ARHGEF7: variants seen among roughly 807,000 people sequenced by gnomAD.
ARHGEF7 encodes the protein Rho guanine nucleotide exchange factor 7.
A neutral mutation model predicts 109.8 loss-of-function variants in ARHGEF7; 33 were observed. The observed-to-expected ratio is 0.30, with a 90% CI of 0.23 to 0.40. The LOEUF (loss-of-function observed/expected upper bound fraction) is 0.40. ARHGEF7 is among the 10% of genes least tolerant of loss of function. The pLI is 1.00. For missense variants in ARHGEF7, 938 were observed against 1,098.5 expected, an observed-to-expected ratio of 0.85 and a Z score of 2.07; for synonymous variants, 458 against 424.6, an observed-to-expected ratio of 1.08 and a Z score of -0.97.
intron 1 of ARHGEF7, chr13:111,143,706 A>G (rs1006439784): frequency 1.3e-5 from 2 of 152,236 alleles, no homozygotes; most frequent in African/African-American, 2.4e-5. Context: ...TCAAGGGCAC[A>G]TGGAATGGTG....
intron 4 of ARHGEF7, among the ~76,000 whole-genome samples, chr13:111,211,761 T>C (rs147399683): frequency 2.0e-5 from 3 of 152,352 alleles, no homozygotes; most frequent in Non-Finnish European, 4.4e-5. Flanking sequence ...TAAGAACTTA[T>C]CTTGAAACAA....
chr13:111,149,902 A>G (rs1212700544), intron 1 of ARHGEF7, among the ~76,000 whole-genome samples: 1 of 152,262 alleles, frequency 6.6e-6, no homozygotes, highest in African/African-American at 2.4e-5. Context: ...CACATTAACT[A>G]AAGTCTTACT....
intron 2 of ARHGEF7, among the ~76,000 whole-genome samples, chr13:111,185,961 CG>C (rs2079202513): frequency 7.4e-6 from 1 of 135,778 alleles, no homozygotes; most frequent in Non-Finnish European, 1.6e-5. Context: ...TTTGGGAGCT[CG>C]TGTGTGTGTG....
At chr13:111,176,286 T>G (rs955054344) in intron 2 of ARHGEF7, among the ~76,000 whole-genome samples, 9 of 152,220 alleles carry the variant, frequency 5.9e-5, no homozygotes, top group Non-Finnish European at 1.3e-4. Flanking sequence ...ATTGCTGCTA[T>G]GTGGAGAATG....
At chr13:111,175,122 G>C (rs1458245983) in intron 2 of ARHGEF7, among the ~76,000 whole-genome samples, 1 of 152,190 alleles carries the variant, frequency 6.6e-6, no homozygotes, top group Non-Finnish European at 1.5e-5. Context: ...TTGAATATTT[G>C]TTTGTGGTAA....
chr13:111,231,023 C>T (rs746453385), intron 5 of ARHGEF7, among the ~76,000 whole-genome samples: 5 of 152,146 alleles, frequency 3.3e-5, no homozygotes, highest in African/African-American at 4.8e-5. Flanking sequence ...AATAACACAG[C>T]TGGCAAAATC....
intron 8 of ARHGEF7, among the ~76,000 whole-genome samples, chr13:111,252,287 A>G (rs1409972188): frequency 1.3e-5 from 2 of 152,230 alleles, no homozygotes; most frequent in Non-Finnish European, 2.9e-5. Flanking sequence ...ATGGGAGAAC[A>G]CATGCATAAT....
rs1430853293 is a variant in ARHGEF7 at position 111,239,655 on chromosome 13, A to G, written c.760-4217A>G. 1.3e-5 allele frequency among the ~76,000 whole-genome samples: 2 copies of G among 151,928 alleles called. No homozygotes were observed. Among genetic ancestry groups the G allele is most frequent in the Non-Finnish European group, 2.9e-5 (2 of 67,980 alleles). ...CCGTAGGTGGAGATGGTTAATGATG[A>G]GGGGCCCTGAGGTATCAGGGAGGGT... On this transcript the variant is annotated intron_variant, in intron 6 of 21. Coordinates refer to ENST00000646102, the MANE Select transcript of ARHGEF7 (RefSeq NM_001354046.2). This position sits in a 1 kb window ranked among gnomAD's most constrained non-coding sequence, Gnocchi z 4.3.
chr13:111,120,769 A>G (rs1282822827), intron 1 of ARHGEF7, among the ~76,000 whole-genome samples: 1 of 152,214 alleles, frequency 6.6e-6, no homozygotes, highest in African/African-American at 2.4e-5. Context: ...CCAGCATGGC[A>G]GGCAGCATGC....
intron 6 of ARHGEF7, among the ~76,000 whole-genome samples, chr13:111,237,421 G>A (rs1319231187): frequency 1.3e-5 from 2 of 152,180 alleles, no homozygotes; most frequent in Non-Finnish European, 2.9e-5. Flanking sequence ...TAGTTCTAAT[G>A]GTGGAAATGT....
intron 2 of ARHGEF7, among the ~76,000 whole-genome samples, chr13:111,172,163 A>G (rs903867704): frequency 6.6e-6 from 1 of 152,368 alleles, no homozygotes; most frequent in African/African-American, 2.4e-5. Context: ...AGCTCTTACA[A>G]GCCAGTAAGG....
intron 2 of ARHGEF7, among the ~76,000 whole-genome samples, chr13:111,189,102 G>A (rs114765055): frequency 0.012 from 1,861 of 152,284 alleles, 31 homozygotes; most frequent in African/African-American, 0.04. Context: ...TCTCATTTAA[G>A]GAAAAAGGAT....
intron 14 of ARHGEF7, 73 bp downstream of exon 14, chr13:111,280,423 G>A: frequency 1.3e-6 from 2 of 1,587,296 alleles, no homozygotes; most frequent in African/African-American, 2.7e-5. Context: ...GCAGATTCTT[G>A]CTTGCGTATT....
chr13:111,200,806 C>T (rs2081131290), intron 2 of ARHGEF7, among the ~76,000 whole-genome samples: 1 of 152,170 alleles, frequency 6.6e-6, no homozygotes, highest in African/African-American at 2.4e-5. Flanking sequence ...GTGCAGGGCC[C>T]CTTCTGGCAT....
In ARHGEF7 at chr13:111,188,876, A is replaced by G. The variant is rs190397390; in HGVS notation, c.253-16413A>G. Among the ~76,000 whole-genome samples, 310 of 152,348 alleles carry G rather than the reference A, an allele frequency of 2.0e-3. 2 individuals carry two copies. Among genetic ancestry groups the G allele is most frequent in the Non-Finnish European group, 2.5e-3 (170 of 68,026 alleles). ...AGGATGCATTTCCTCTCCTTCAGGA[A>G]TAAGTTCTGTTGGGGAAATTATGAA... is the stretch of plus-strand genomic sequence containing the variant. On this transcript the variant is annotated intron_variant, in intron 2 of 21. Coordinates refer to ENST00000646102, the MANE Select transcript of ARHGEF7 (RefSeq NM_001354046.2).
chr13:111,133,208 T>C (rs1202326328), intron 1 of ARHGEF7, among the ~76,000 whole-genome samples: 1 of 152,110 alleles, frequency 6.6e-6, no homozygotes, highest in Non-Finnish European at 1.5e-5. Context: ...TGCGTGTATA[T>C]GTGTATATAT....
At chr13:111,160,515 G>A (rs1045280232) in intron 2 of ARHGEF7, among the ~76,000 whole-genome samples, 2 of 152,154 alleles carry the variant, frequency 1.3e-5, no homozygotes, top group Non-Finnish European at 2.9e-5. Flanking sequence ...ATCTCATCTT[G>A]AATTGTAATC....
At chr13:111,192,003 A>G (rs768048028) in intron 2 of ARHGEF7, among the ~76,000 whole-genome samples, 13 of 152,156 alleles carry the variant, frequency 8.5e-5, no homozygotes, top group Admixed American at 2.0e-4. Context: ...GGTGTTAAAG[A>G]TTATGTAGGT....
At chr13:111,232,997 G>T (rs976772819) in intron 5 of ARHGEF7, among the ~76,000 whole-genome samples, 1 of 152,124 alleles carries the variant, frequency 6.6e-6, no homozygotes, top group Non-Finnish European at 1.5e-5. Flanking sequence ...TGGGGATGGG[G>T]TGCTGTGATT....
Sources: gnomAD v4.1 joint callset for allele counts (sites outside exome capture counted in the v4.1 genomes callset) on GRCh38, gnomAD v4.1.1 for gene constraint, Gnocchi (gnomAD v3.1) non-coding constraint, MANE v1.5 for transcripts, NCBI Gene and HGNC (gene_info 2026-07-23, HGNC 2026-07-21) for gene names.